ITPR1: variants seen among roughly 807,000 people sequenced by gnomAD.
ITPR1 encodes inositol 1,4,5-trisphosphate-gated calcium channel ITPR1.
ITPR1 carries 96 observed loss-of-function variants against 318.4 expected under a neutral mutation model. The ratio of observed to expected loss-of-function variants is 0.30; its 90% CI spans 0.26 to 0.36. The LOEUF is 0.36. Ranked by LOEUF, ITPR1 falls within the 10% of genes least tolerant of loss-of-function variation. The probability of loss-of-function intolerance (pLI) is 1.00; values close to 1 mark genes in which losing one functional copy is unlikely to be tolerated. For synonymous variants in ITPR1, 1,312 were observed against 1,289.9 expected, an observed-to-expected ratio of 1.02 and a Z score of -0.37; for missense variants, 2,440 against 3,460.2, an observed-to-expected ratio of 0.71 and a Z score of 7.40.
intron 21 of ITPR1, 100 bp from the exon 22 acceptor site, chr3:4,674,102 A>G (rs2094140355): frequency 2.3e-6 from 2 of 880,982 alleles, no homozygotes; most frequent in Non-Finnish European, 1.7e-6. Flanking sequence ...AAGGGATGCC[A>G]AGGGTTAGGG....
chr3:4,793,784 A>G lies in ITPR1; in HGVS notation c.6809-1281A>G, dbSNP rs150176933. On this transcript the variant is annotated intron_variant, in intron 52 of 61. Transcript: ENST00000649015. ...GGCCTCAGTTTCCCTCATTTATACA[A>G]TGAGGGATTTTAAACTAGATGATTG... 4.6e-5 allele frequency among the ~76,000 whole-genome samples: 7 copies of G among 152,282 alleles called. No homozygotes were observed. The East Asian group carries it at 1.2e-3, about 25-fold the overall frequency.
chr3:4,553,719 G>C (rs1367898145), intron 4 of ITPR1, among the ~76,000 whole-genome samples: 1 of 151,088 alleles, frequency 6.6e-6, no homozygotes, highest in Non-Finnish European at 1.5e-5. Context: ...TCCTCCCTCA[G>C]TCTCCTGAGT....
At chr3:4,680,528 T>C in intron 24 of ITPR1, 25 bp from the exon 25 acceptor site, 4 of 1,608,186 alleles carry the variant, frequency 2.5e-6, no homozygotes, top group Non-Finnish European at 3.4e-6. Flanking sequence ...AACCAATCTG[T>C]TTCCATTTCC....
chr3:4,751,857 A>C (rs1408197662), intron 44 of ITPR1, among the ~76,000 whole-genome samples: 4 of 152,124 alleles, frequency 2.6e-5, no homozygotes, highest in Admixed American at 1.3e-4. Context: ...TCATGTACAC[A>C]CTTGGATCCC....
At chr3:4,548,937 C>T (rs892601403) in intron 4 of ITPR1, among the ~76,000 whole-genome samples, 3 of 152,134 alleles carry the variant, frequency 2.0e-5, no homozygotes, top group African/African-American at 7.2e-5. Context: ...AAACTGACTT[C>T]TTGAAATGGA....
At chr3:4,589,902 G>A (rs557110925) in intron 4 of ITPR1, among the ~76,000 whole-genome samples, 83 of 152,302 alleles carry the variant, frequency 5.4e-4, no homozygotes, top group African/African-American at 1.9e-3. Context: ...CCTGCCTCTG[G>A]AAGTGGGCCT....
In ITPR1 at chr3:4,766,546, G is replaced by T. The variant is rs375517463; in HGVS notation, c.5561G>T (p.Arg1854Leu). Residue 1854 changes from arginine to leucine, a missense_variant, in exon 45 of 62, where the codon CGC (arginine) becomes CTC (leucine). By Grantham distance (102) the Arg-to-Leu change is moderately radical. Coordinates refer to ENST00000649015, the MANE Select transcript of ITPR1 (RefSeq NM_001378452.1). ...CCTTTGCAGCACTCCTTTTTCTGTC[G>T]CTTGACAGAAGATAAGAAGTCAGAG... ...NTTIQHSFFCRLTEDKKSEKF... is the reference protein window; with the variant it reads ...NTTIQHSFFCLLTEDKKSEKF... The T allele has an allele frequency of 2.4e-5, 39 of 1,613,176 alleles. No individual in the cohort carries two copies. Among genetic ancestry groups the T allele is most frequent in the Non-Finnish European group, 1.4e-5 (16 of 1,179,510 alleles).
chr3:4,614,806 G>A (rs536697185), intron 4 of ITPR1, among the ~76,000 whole-genome samples: 8 of 152,204 alleles, frequency 5.3e-5, no homozygotes, highest in Non-Finnish European at 8.8e-5. Context: ...AGGAAACAGG[G>A]TTGTTGGAAA....
At chr3:4,566,279 C>T (rs781388233) in intron 4 of ITPR1, among the ~76,000 whole-genome samples, 2 of 152,150 alleles carry the variant, frequency 1.3e-5, no homozygotes, top group South Asian at 2.1e-4. Context: ...ACCCTCAACT[C>T]GTGAGTCTGA....
chr3:4,758,910 G>A (rs181902173), intron 44 of ITPR1, among the ~76,000 whole-genome samples: 2 of 152,334 alleles, frequency 1.3e-5, no homozygotes, highest in South Asian at 2.1e-4. Flanking sequence ...GTCCAGCAAG[G>A]TTGTTATGAA....
chr3:4,807,162 G>A (rs1419805170), intron 55 of ITPR1, among the ~76,000 whole-genome samples: 3 of 22,858 alleles, frequency 1.3e-4, no homozygotes, highest in Non-Finnish European at 2.3e-4. Context: ...CAAAGAGAGG[G>A]GGGCTTACAA....
intron 4 of ITPR1, among the ~76,000 whole-genome samples, chr3:4,536,899 T>G (rs1048497099): frequency 1.3e-5 from 2 of 152,206 alleles, no homozygotes; most frequent in African/African-American, 2.4e-5. Flanking sequence ...AATGGTGAAC[T>G]AGACTCTTGA....
At chr3:4,545,892 T>G (rs2084946687) in intron 4 of ITPR1, among the ~76,000 whole-genome samples, 1 of 151,962 alleles carries the variant, frequency 6.6e-6, no homozygotes, top group Non-Finnish European at 1.5e-5. Flanking sequence ...AGACGGGATC[T>G]CACTATGTTA....
chr3:4,792,712 AGAGG>A (rs1422841439), intron 52 of ITPR1, among the ~76,000 whole-genome samples: 2 of 152,088 alleles, frequency 1.3e-5, no homozygotes, highest in Non-Finnish European at 2.9e-5. Flanking sequence ...AGAGGGAGAG[AGAGG>A]GGAGGAGAAG....
At chr3:4,641,941 T>A (rs915202280) in intron 6 of ITPR1, among the ~76,000 whole-genome samples, 152 bp from the exon 7 acceptor site, 8 of 152,228 alleles carry the variant, frequency 5.3e-5, no homozygotes, top group Non-Finnish European at 1.0e-4. Flanking sequence ...TTTCTAATCA[T>A]CTGCAGCCGT....
At chr3:4,515,374 C>G (rs1380560033) in intron 2 of ITPR1, among the ~76,000 whole-genome samples, 6 of 152,032 alleles carry the variant, frequency 3.9e-5, no homozygotes, top group Admixed American at 3.9e-4. Flanking sequence ...TAAATGGCTT[C>G]TGGAAGGGGA....
intron 40 of ITPR1, among the ~76,000 whole-genome samples, chr3:4,724,768 C>G (rs1376172697): frequency 6.6e-6 from 1 of 152,210 alleles, no homozygotes; most frequent in African/African-American, 2.4e-5. Context: ...CCCCTTCCCC[C>G]TCACCTGCAT....
At chr3:4,720,860 C>T (rs1046221472) in intron 40 of ITPR1, among the ~76,000 whole-genome samples, 2 of 152,094 alleles carry the variant, frequency 1.3e-5, no homozygotes, top group South Asian at 4.1e-4. Context: ...TCTCATGACG[C>T]CCAACCCAGG....
At chr3:4,633,903 C>T (rs980171077) in intron 5 of ITPR1, among the ~76,000 whole-genome samples, 7 of 152,212 alleles carry the variant, frequency 4.6e-5, no homozygotes, top group East Asian at 1.9e-4. Flanking sequence ...GCTTCAATAT[C>T]GCATTACATG....
Sources: allele counts gnomAD v4.1 joint callset (sites outside exome capture counted in the v4.1 genomes callset), GRCh38; gene constraint gnomAD v4.1.1; transcripts MANE v1.5; gene names NCBI Gene and HGNC (gene_info 2026-07-23, HGNC 2026-07-21).